Variants in TMEM232 observed in about 807,000 individuals in gnomAD.
TMEM232 encodes the protein transmembrane protein 232.
Under a neutral mutation model 78.8 loss-of-function variants are expected in TMEM232, and 80 were observed. The observed-to-expected ratio is 1.01, with a 90% CI of 0.85 to 1.22. TMEM232 has a LOEUF of 1.22. Ranked by LOEUF, TMEM232 falls within the 50% of genes most tolerant of loss-of-function variation. TMEM232 has a pLI of 0.00. For missense variants in TMEM232, 881 were observed against 742.2 expected (o/e 1.19, Z -2.17); for synonymous variants, 297 against 254.3 (o/e 1.17, Z -1.60).
chr5:110,531,067 C>G (rs944771037), intron 11 of TMEM232, among the ~76,000 whole-genome samples: 1 of 152,148 alleles, frequency 6.6e-6, no homozygotes, highest in African/African-American at 2.4e-5. Flanking sequence ...CCTGCCTTAA[C>G]TGATGACATT....
At chr5:110,612,570 A>G (rs1328973077) in intron 8 of TMEM232, among the ~76,000 whole-genome samples, 2 of 152,172 alleles carry the variant, frequency 1.3e-5, no homozygotes, top group Non-Finnish European at 2.9e-5. Context: ...GATCTAGCTG[A>G]AAAGGAAGTG....
intron 2 of TMEM232, among the ~76,000 whole-genome samples, chr5:110,644,832 C>G (rs1028689214): frequency 1.3e-5 from 2 of 150,634 alleles, no homozygotes; most frequent in African/African-American, 4.9e-5. Flanking sequence ...AAAAAATAAA[C>G]AAAATTGAAA....
chr5:110,434,146 A>C (rs1758158622), intron 12 of TMEM232, among the ~76,000 whole-genome samples: 1 of 151,340 alleles, frequency 6.6e-6, no homozygotes, highest in Admixed American at 6.6e-5. Flanking sequence ...AGACCCCCCC[A>C]AAACATGCAA....
chr5:110,511,245 G>A, intron 12 of TMEM232, among the ~76,000 whole-genome samples: 1 of 152,028 alleles, frequency 6.6e-6, no homozygotes, highest in Admixed American at 6.5e-5. Flanking sequence ...GTTGAACAAT[G>A]AGAGTACATG....
At chr5:110,738,026 C>A (rs1799383962) in exon 1 of TMEM232, 2 of 225,586 alleles carry the variant, frequency 8.9e-6, no homozygotes, top group Non-Finnish European at 1.8e-5. Context: ...GTGATAAAAC[C>A]ACAGAAAAAA....
intron 10 of TMEM232, among the ~76,000 whole-genome samples, chr5:110,574,921 T>C (rs1308207127): frequency 6.6e-6 from 1 of 152,056 alleles, no homozygotes; most frequent in Non-Finnish European, 1.5e-5. Context: ...ACATGAGTGA[T>C]GTCTTAGGGA....
intron 12 of TMEM232, among the ~76,000 whole-genome samples, chr5:110,434,422 C>T (rs1321137950): frequency 6.6e-6 from 1 of 151,476 alleles, no homozygotes; most frequent in Non-Finnish European, 1.5e-5. Context: ...CAGGAATAAA[C>T]ATAAATCCTA....
chr5:110,410,780 T>C (rs1043374707), intron 2 of TMEM232, among the ~76,000 whole-genome samples: 13 of 152,076 alleles, frequency 8.5e-5, no homozygotes, highest in African/African-American at 3.1e-4. Flanking sequence ...AGAAGTGAAA[T>C]TGAGGTACAG....
At chr5:110,520,854 G>C (rs539460331) in intron 12 of TMEM232, among the ~76,000 whole-genome samples, 1 of 152,238 alleles carries the variant, frequency 6.6e-6, no homozygotes, top group South Asian at 2.1e-4. Context: ...AGAGGCAGAG[G>C]TTGTGGTAAG....
chr5:110,711,356 A>G (rs1420667047), intron 1 of TMEM232, among the ~76,000 whole-genome samples: 2 of 152,228 alleles, frequency 1.3e-5, no homozygotes, highest in African/African-American at 4.8e-5. Context: ...TACAGATTCA[A>G]TGCAATCCCT....
intron 12 of TMEM232, among the ~76,000 whole-genome samples, chr5:110,482,193 G>C (rs1763942462): frequency 6.6e-6 from 1 of 152,028 alleles, no homozygotes; most frequent in African/African-American, 2.4e-5. Context: ...GCTCCAATTA[G>C]AGACATCAGT....
At chr5:110,530,753 A>C (rs938230467) in intron 11 of TMEM232, among the ~76,000 whole-genome samples, 1 of 152,228 alleles carries the variant, frequency 6.6e-6, no homozygotes, top group African/African-American at 2.4e-5. Flanking sequence ...TGGTCAAAAG[A>C]TTTCAGTTAG....
At chr5:110,453,716 A>G (rs571771892) in intron 12 of TMEM232, among the ~76,000 whole-genome samples, 1 of 152,188 alleles carries the variant, frequency 6.6e-6, no homozygotes, top group South Asian at 2.1e-4. Flanking sequence ...GCTGCAGACT[A>G]CTTTGGTATA....
At chr5:110,551,754 A>G (rs1774491328) in intron 11 of TMEM232, among the ~76,000 whole-genome samples, 1 of 152,224 alleles carries the variant, frequency 6.6e-6, no homozygotes, top group Non-Finnish European at 1.5e-5. Flanking sequence ...AACCAGAGAC[A>G]TGAAAAAATA....
At chr5:110,732,747 A>T (rs182028967) in intron 2 of TMEM232, among the ~76,000 whole-genome samples, 14 of 152,344 alleles carry the variant, frequency 9.2e-5, no homozygotes, top group Admixed American at 5.2e-4. Context: ...ACCTCTCTTC[A>T]TGTTGCCAAA....
At chr5:110,544,055 G>C (rs1442840775) in intron 11 of TMEM232, among the ~76,000 whole-genome samples, 1 of 151,914 alleles carries the variant, frequency 6.6e-6, no homozygotes, top group Admixed American at 6.6e-5. Flanking sequence ...ATTTAGCCTG[G>C]CAATGAACAT....
chr5:110,593,533 C>A (rs1779784470), intron 10 of TMEM232, among the ~76,000 whole-genome samples: 1 of 152,100 alleles, frequency 6.6e-6, no homozygotes, highest in East Asian at 1.9e-4. Context: ...ATATATGGAA[C>A]TAGAGGTCAT....
At chr5:110,497,378 T>C (rs566256206) in intron 12 of TMEM232, among the ~76,000 whole-genome samples, 3 of 152,194 alleles carry the variant, frequency 2.0e-5, no homozygotes, top group Admixed American at 6.5e-5. Flanking sequence ...GGAACTTGAA[T>C]TGAATACAGA....
intron 12 of TMEM232, among the ~76,000 whole-genome samples, chr5:110,493,712 T>C (rs1765350527): frequency 6.6e-6 from 1 of 152,094 alleles, no homozygotes; most frequent in South Asian, 2.1e-4. Flanking sequence ...TTTTAAGCTC[T>C]TGGGAAAAAG....
Sources: gnomAD v4.1 joint callset for allele counts (sites outside exome capture counted in the v4.1 genomes callset) on GRCh38, gnomAD v4.1.1 for gene constraint, MANE v1.5 for transcripts, NCBI Gene and HGNC (gene_info 2026-07-23, HGNC 2026-07-21) for gene names.